Variants in ACAD11 observed in about 807,000 individuals in gnomAD.
ACAD11 encodes the protein acyl-CoA dehydrogenase family member 11, also known as acyl-Coenzyme A dehydrogenase family, member 11.
Under a neutral mutation model 102.2 loss-of-function variants are expected in ACAD11, and 83 were observed. The ratio of observed to expected loss-of-function variants is 0.81; its 90% CI spans 0.68 to 0.97. ACAD11 has a LOEUF of 0.97. Ranked by LOEUF, ACAD11 falls within the 50% of genes least tolerant of loss-of-function variation. The pLI, the probability that ACAD11 is intolerant of heterozygous loss-of-function variation, is 0.00. For missense variants in ACAD11, 901 were observed against 951.7 expected (o/e 0.95, Z 0.70); for synonymous variants, 324 against 319.8 (o/e 1.01, Z -0.14).
chr3:132,637,776 G>A (rs1474295737), intron 5 of ACAD11, among the ~76,000 whole-genome samples: 2 of 152,002 alleles, frequency 1.3e-5, no homozygotes, highest in African/African-American at 4.8e-5. Flanking sequence ...AAATAATTTC[G>A]TTTTGCCATA....
chr3:132,632,641 G>A lies in ACAD11; in HGVS notation c.703-1162C>T, dbSNP rs1447300561. On this transcript the variant is annotated intron_variant, in intron 5 of 19. Transcript: ENST00000264990. ...AAGTCATTGGTAGCTTGATGGGGAT[G>A]GCATTGAATCTATAAATTACCTTGG... 5.3e-5 allele frequency among the ~76,000 whole-genome samples: 8 copies of A among 152,192 alleles called. No homozygotes were observed. The East Asian group carries it at 5.8e-4, about 11-fold the overall frequency.
intron 11 of ACAD11, among the ~76,000 whole-genome samples, chr3:132,607,138 A>G (rs1028335560): frequency 3.4e-4 from 52 of 152,212 alleles, no homozygotes; most frequent in Admixed American, 6.5e-5. Context: ...ATCAAAGACC[A>G]AAGGTAGAAA....
intron 17 of ACAD11, among the ~76,000 whole-genome samples, chr3:132,574,095 G>C (rs11706566): frequency 0.018 from 2,736 of 152,296 alleles, 42 homozygotes; most frequent in Non-Finnish European, 0.028. Context: ...AAAGGTGGAA[G>C]GGAAATTTTT....
At chr3:132,562,487 T>A (rs1937091608) in intron 17 of ACAD11, among the ~76,000 whole-genome samples, 1 of 152,200 alleles carries the variant, frequency 6.6e-6, no homozygotes, top group African/African-American at 2.4e-5. Context: ...GTAGAATTGT[T>A]GGGTCAGTGG....
chr3:132,606,876 G>A (rs1463338930), intron 11 of ACAD11, among the ~76,000 whole-genome samples: 1 of 152,188 alleles, frequency 6.6e-6, no homozygotes, highest in East Asian at 1.9e-4. Flanking sequence ...CCTCAAACAG[G>A]ACAGCTCTGG....
At chr3:132,646,837 G>C (rs934134383) in intron 1 of ACAD11, among the ~76,000 whole-genome samples, 2 of 152,168 alleles carry the variant, frequency 1.3e-5, no homozygotes, top group Non-Finnish European at 2.9e-5. Flanking sequence ...AAAGAAGCTA[G>C]TCACAAAAGA....
chr3:132,636,147 T>C (rs1341028129), intron 5 of ACAD11, among the ~76,000 whole-genome samples: 2 of 152,178 alleles, frequency 1.3e-5, no homozygotes, highest in Non-Finnish European at 2.9e-5. Flanking sequence ...GCTCATCAAA[T>C]TGCATAAATT....
chr3:132,568,165 C>T (rs1312774424), intron 17 of ACAD11, among the ~76,000 whole-genome samples: 4 of 151,912 alleles, frequency 2.6e-5, no homozygotes, highest in African/African-American at 4.8e-5. Context: ...AGGCGGAGAC[C>T]GCAGTGAGCC....
intron 11 of ACAD11, 109 bp downstream of exon 11, chr3:132,618,525 A>C: frequency 9.8e-7 from 1 of 1,021,438 alleles, no homozygotes; most frequent in Non-Finnish European, 1.3e-6. Context: ...ATTATAGCTA[A>C]ATTCATAAGT....
chr3:132,653,649 C>G (rs1252507459), intron 1 of ACAD11, among the ~76,000 whole-genome samples: 2 of 152,162 alleles, frequency 1.3e-5, no homozygotes, highest in Non-Finnish European at 2.9e-5. Context: ...AGAGATTACA[C>G]GTCCTCCTCC....
chr3:132,587,780 T>C (rs1322558835), intron 13 of ACAD11, among the ~76,000 whole-genome samples: 1 of 152,122 alleles, frequency 6.6e-6, no homozygotes, highest in East Asian at 1.9e-4. Flanking sequence ...AACTGCAGAG[T>C]CTATCACAAT....
Position 132,639,533 on chromosome 3 carries a change from C to T in ACAD11, c.661G>A (p.Gly221Arg). The T allele has an allele frequency of 6.2e-7, 1 of 1,613,932 alleles. No homozygotes were observed. The highest frequency in any genetic ancestry group is 8.5e-7 in the Non-Finnish European group (1 of 1,179,956). The part of the protein sequence containing the change: ...DNDNEENLIH[G>R]DFRLDNIVFH... The stretch of plus-strand genomic sequence containing the variant: ...ACTATGTTATCTAGTCTGAAATCTC[C>T]ATGAATCAAATTCTCTTCATTGTCA... Residue 221 changes from glycine to arginine, a missense_variant, in exon 5 of 20, where the codon GGA (glycine) becomes AGA (arginine). Gly to Arg is a moderately radical substitution (Grantham distance 125). Transcript: ENST00000264990.
At chr3:132,647,023 T>G (rs1940741451) in intron 1 of ACAD11, 1 of 152,214 alleles carries the variant, frequency 6.6e-6, no homozygotes, top group Admixed American at 6.5e-5. Flanking sequence ...TGTATAACAT[T>G]GTGAATATAT....
At chr3:132,585,163 A>G (rs1335871278) in intron 13 of ACAD11, among the ~76,000 whole-genome samples, 5 of 152,236 alleles carry the variant, frequency 3.3e-5, no homozygotes, top group African/African-American at 1.2e-4. Context: ...CCAATGGAAC[A>G]GAACAGAGCC....
In ACAD11 at chr3:132,619,509, C is replaced by A. The variant is rs754609514; in HGVS notation, c.1234G>T (p.Val412Leu). The A allele has an allele frequency of 1.9e-6, 3 of 1,592,956 alleles. No homozygotes were observed. The highest frequency in any genetic ancestry group is 2.3e-5 in the South Asian group (2 of 86,356). ...TEFYVQNENS[V>L]DKWGKPLVID... Reference sequence around the variant, plus strand: ...ACTAAAGGTTTTCCCCACTTGTCCACTGAATTTTCATTTTGAACATAGAAC... The same window carrying A: ...ACTAAAGGTTTTCCCCACTTGTCCAATGAATTTTCATTTTGAACATAGAAC... Residue 412 changes from valine (V) to leucine (L), a missense_variant, in exon 10 of 20, where the codon GTG (valine) becomes TTG (leucine). Transcript: ENST00000264990.
intron 11 of ACAD11, among the ~76,000 whole-genome samples, chr3:132,611,859 A>C (rs1939168242): frequency 6.6e-6 from 1 of 152,046 alleles, no homozygotes; most frequent in Non-Finnish European, 1.5e-5. Flanking sequence ...TTCTTCACAG[A>C]ATTGGAAAAA....
chr3:132,642,787 T>C lies in ACAD11; in HGVS notation c.265A>G (p.Lys89Glu). The change falls in exon 3 of 20, where the codon AAA (lysine) becomes GAA (glutamate). Residue 89 changes from lysine (K) to glutamate (E), a missense_variant. Lys to Glu is a moderately conservative substitution (Grantham distance 56). Transcript: ENST00000264990. ...PKAHQIDREF[K>E]VQKALFSIGF... is the part of the protein sequence containing the mutation. ...ATTGAAAACAAGGCTTTCTGGACTT[T>C]AAATTCTCTATCAATCTAAATAGGA... is the stretch of plus-strand genomic sequence containing the variant. The C allele has an allele frequency of 3.1e-6, 5 of 1,611,976 alleles. No homozygotes were observed. The highest frequency in any genetic ancestry group is 3.4e-6 in the Non-Finnish European group (4 of 1,179,216).
At chr3:132,632,524 T>A (rs1164473664) in intron 5 of ACAD11, among the ~76,000 whole-genome samples, 1 of 152,232 alleles carries the variant, frequency 6.6e-6, no homozygotes, top group Non-Finnish European at 1.5e-5. Flanking sequence ...TGCCTCCAGC[T>A]TTGTTCTTTT....
At chr3:132,607,815 C>T (rs1938915287) in intron 11 of ACAD11, among the ~76,000 whole-genome samples, 1 of 152,066 alleles carries the variant, frequency 6.6e-6, no homozygotes, top group African/African-American at 2.4e-5. Flanking sequence ...CCCCAAGACA[C>T]ATAATCGTCA....
Sources: allele counts gnomAD v4.1 joint callset (sites outside exome capture counted in the v4.1 genomes callset), GRCh38; gene constraint gnomAD v4.1.1; transcripts MANE v1.5; gene names NCBI Gene and HGNC (gene_info 2026-07-23, HGNC 2026-07-21).